Variants in PTH2R observed in about 807,000 individuals in gnomAD.
PTH2R encodes the protein parathyroid hormone 2 receptor.
Under a neutral mutation model 60.3 loss-of-function variants are expected in PTH2R, and 59 were observed. The ratio of observed to expected loss-of-function variants is 0.98; its 90% CI spans 0.79 to 1.22. The LOEUF (loss-of-function observed/expected upper bound fraction) is 1.22. Among genes scored for constraint, PTH2R ranks in the 50% most tolerant of loss-of-function variants. The pLI, the probability that PTH2R is intolerant of heterozygous loss-of-function variation, is 0.00. For synonymous variants in PTH2R, 256 were observed against 243.8 expected (o/e 1.05, Z -0.47); for missense variants, 749 against 682.6 (o/e 1.10, Z -1.08).
intron 1 of PTH2R, among the ~76,000 whole-genome samples, chr2:208,397,542 A>T (rs1701234333): frequency 6.6e-6 from 1 of 152,120 alleles, no homozygotes; most frequent in South Asian, 2.1e-4. Flanking sequence ...GGCAAGAAAG[A>T]AGGAAGAGGC....
intron 1 of PTH2R, among the ~76,000 whole-genome samples, chr2:208,390,461 A>C (rs1418266375): frequency 2.0e-5 from 3 of 152,230 alleles, no homozygotes; most frequent in Non-Finnish European, 4.4e-5. Flanking sequence ...GTGTCGTTGA[A>C]TTGAGTGAAC....
chr2:208,447,142 C>A (rs1702302225), intron 7 of PTH2R, among the ~76,000 whole-genome samples: 2 of 151,922 alleles, frequency 1.3e-5, no homozygotes, highest in African/African-American at 2.4e-5. Context: ...TATTTTATTT[C>A]TTATTATTTG....
In PTH2R at chr2:208,407,070, C is replaced by T; in HGVS notation, c.27C>T (p.His9=). 3 of 1,395,214 alleles carry T rather than the reference C, an allele frequency of 2.2e-6. No homozygotes were observed. The highest frequency in any genetic ancestry group is 1.9e-5 in the South Asian group (1 of 53,528). The allele number at this position is 1,395,214 out of a possible 1,614,324, so 86.4% of individuals were successfully genotyped here. MAGLGASL[H]VWGWLMLGSC... is the part of the protein sequence containing the mutation. ...TGGCCGGGCTGGGGGCGTCGCTCCA[C>T]GTCTGGGGTTGGCTAATGCTCGGCA... Residue 9 remains histidine, a synonymous_variant, in exon 1 of 13, where the codon CAC becomes CAT. Transcript: ENST00000272847.
chr2:208,483,605 A>T (rs1703206868), intron 10 of PTH2R, among the ~76,000 whole-genome samples: 1 of 152,244 alleles, frequency 6.6e-6, no homozygotes, highest in South Asian at 2.1e-4. Flanking sequence ...TGAAGAGAAT[A>T]ATTTATCAAG....
chr2:208,491,941 G>A (rs1703413298), intron 12 of PTH2R, among the ~76,000 whole-genome samples: 1 of 152,150 alleles, frequency 6.6e-6, no homozygotes, highest in Admixed American at 6.5e-5. Context: ...TAAAGTGGTG[G>A]TGTTTATCCA....
intron 1 of PTH2R, among the ~76,000 whole-genome samples, chr2:208,420,459 T>G (rs1444332636): frequency 3.3e-5 from 5 of 152,200 alleles, no homozygotes; most frequent in Non-Finnish European, 5.9e-5. Context: ...CTCTCAATTT[T>G]TTTTTGCTAA....
At chr2:208,408,751 A>AGAGAGAGAGAGAGAGAGAGAGAGAGG (rs1701477632) in intron 1 of PTH2R, among the ~76,000 whole-genome samples, 2 of 151,982 alleles carry the variant, frequency 1.3e-5, no homozygotes, top group South Asian at 4.2e-4. Context: ...AGAGAGAGAG[A>AGAGAGAGAGAGAGAGAGAGAGAGAGG]GAGAGAGAGA....
Position 208,490,445 on chromosome 2 carries a change from G to A in PTH2R, c.1216-194G>A, listed in dbSNP as rs575100524. On this transcript the variant is annotated intron_variant, in intron 11 of 12. Transcript: ENST00000272847. Reference sequence around the variant, plus strand: ...ATTTAGTGACTTATTTGGTTCAGCTGACACCAAGGAAAGACGTCAAACAAA... The same window carrying A: ...ATTTAGTGACTTATTTGGTTCAGCTAACACCAAGGAAAGACGTCAAACAAA... 4.5e-4 allele frequency among the ~76,000 whole-genome samples: 68 copies of A among 152,276 alleles called. 1 individual carries two copies. Among genetic ancestry groups the A allele is most frequent in the Admixed American group, 4.1e-3 (63 of 15,288 alleles).
At chr2:208,451,139 A>G (rs916020029) in intron 8 of PTH2R, among the ~76,000 whole-genome samples, 2 of 152,134 alleles carry the variant, frequency 1.3e-5, no homozygotes, top group East Asian at 1.9e-4. Flanking sequence ...TTGAAGAACT[A>G]CACTACCTGA....
intron 1 of PTH2R, among the ~76,000 whole-genome samples, chr2:208,426,399 C>A (rs775928775): frequency 6.6e-6 from 1 of 152,210 alleles, no homozygotes; most frequent in Non-Finnish European, 1.5e-5. Context: ...AGTACACTAT[C>A]ATTTTAATGT....
At chr2:208,369,490 C>T (rs967803334) in intron 1 of PTH2R, among the ~76,000 whole-genome samples, 13 of 151,676 alleles carry the variant, frequency 8.6e-5, no homozygotes, top group African/African-American at 1.7e-4. Flanking sequence ...CTCAGTCTCC[C>T]GAGTAGCTGG....
intron 1 of PTH2R, among the ~76,000 whole-genome samples, chr2:208,367,634 T>A (rs1299509607): frequency 6.6e-6 from 1 of 152,138 alleles, no homozygotes; most frequent in East Asian, 1.9e-4. Flanking sequence ...CCTCCCAAAG[T>A]GCTAGGATTA....
At chr2:208,456,500 A>G (rs1702517406) in intron 8 of PTH2R, among the ~76,000 whole-genome samples, 1 of 152,226 alleles carries the variant, frequency 6.6e-6, no homozygotes, top group Non-Finnish European at 1.5e-5. Context: ...GCAAAGGACC[A>G]AGAAGCCATC....
chr2:208,398,021 G>A (rs966077566), intron 1 of PTH2R, among the ~76,000 whole-genome samples: 3 of 152,188 alleles, frequency 2.0e-5, no homozygotes, highest in South Asian at 4.1e-4. Flanking sequence ...AATAACTCCT[G>A]TAACAATGAT....
chr2:208,418,078 AG>A (rs950240318), intron 1 of PTH2R, among the ~76,000 whole-genome samples: 1 of 152,142 alleles, frequency 6.6e-6, no homozygotes, highest in African/African-American at 2.4e-5. Context: ...AAAAATAGGA[AG>A]TAAAATAGCT....
intron 1 of PTH2R, among the ~76,000 whole-genome samples, chr2:208,369,440 C>T (rs1297199293): frequency 1.3e-5 from 2 of 150,598 alleles, no homozygotes; most frequent in African/African-American, 2.5e-5. Context: ...AATCTCAGCT[C>T]ACTGCACCCT....
At position 208,493,825 on chromosome 2, in the gene PTH2R, A is replaced by G. The variant is rs1703469381; in HGVS notation, c.*166A>G. ...ATTGGCTCCTGTAAATACTAACGAC[A>G]TGAAAATGCAAGTGTCAATGGAGTA... On this transcript the variant is annotated 3_prime_UTR_variant, in exon 13 of 13. Transcript: ENST00000272847. The G allele has an allele frequency of 1.6e-6, 1 of 628,940 alleles. No individual in the cohort carries two copies. Among genetic ancestry groups the G allele is most frequent in the Non-Finnish European group, 2.5e-6 (1 of 403,516 alleles). The allele number at this position is 628,940 out of a possible 1,614,324, so 39.0% of individuals were successfully genotyped here. A position where few individuals can be genotyped will look rare whatever the true frequency, so the allele number is the denominator to read the frequency against.
intron 1 of PTH2R, among the ~76,000 whole-genome samples, chr2:208,379,442 A>G (rs539186019): frequency 6.6e-6 from 1 of 152,160 alleles, no homozygotes; most frequent in African/African-American, 2.4e-5. Context: ...TGCAGTGATA[A>G]AAAAATAAAA....
At chr2:208,409,661 A>G (rs1194026071) in intron 1 of PTH2R, among the ~76,000 whole-genome samples, 1 of 152,184 alleles carries the variant, frequency 6.6e-6, no homozygotes, top group Non-Finnish European at 1.5e-5. Flanking sequence ...CATAAAATAG[A>G]TGATATAGAC....
Sources: gnomAD v4.1 joint callset for allele counts (sites outside exome capture counted in the v4.1 genomes callset) on GRCh38, gnomAD v4.1.1 for gene constraint, MANE v1.5 for transcripts, NCBI Gene and HGNC (gene_info 2026-07-23, HGNC 2026-07-21) for gene names.